Variants in HERC2 observed in about 807,000 individuals in gnomAD.
HERC2 encodes HECT and RLD domain containing E3 ubiquitin protein ligase 2.
HERC2 carries 102 observed loss-of-function variants against 537.7 expected under a neutral mutation model. The observed-to-expected ratio is 0.19, with a 90% CI of 0.16 to 0.22. The LOEUF (loss-of-function observed/expected upper bound fraction) is 0.22, where lower values mean the gene tolerates loss of function less well. HERC2 is among the 10% of genes least tolerant of loss of function. The pLI, the probability that HERC2 is intolerant of heterozygous loss-of-function variation, is 1.00. For synonymous variants in HERC2, 2,224 were observed against 2,466.2 expected (o/e 0.90, Z 2.91); for missense variants, 4,236 against 6,198.2 (o/e 0.68, Z 10.63).
At position 28,191,971 on chromosome 15, in the gene HERC2, G is replaced by A; in HGVS notation, c.8441C>T (p.Ser2814Leu). ...CCTATTAGATGCTACCTTTCCTTGC[G>A]ACCCCGATGACTGCCAGCAGGGCTC... ...GSEPCWQSSGSQGKHWIRLEI... is the reference protein window; with the variant it reads ...GSEPCWQSSGLQGKHWIRLEI... Residue 2814 changes from serine (S) to leucine (L), a missense_variant, in exon 53 of 93, where the codon TCG becomes TTG. Physicochemically the swap from Ser to Leu is moderately radical, Grantham distance 145. Coordinates refer to ENST00000261609, the MANE Select transcript of HERC2 (RefSeq NM_004667.6). 1.9e-6 allele frequency: 3 copies of A among 1,613,230 alleles called. No individual in the cohort carries two copies. The highest frequency in any genetic ancestry group is 1.7e-6 in the Non-Finnish European group (2 of 1,179,872).
At chr15:28,188,202 GATA>G (rs1295754217) in intron 55 of HERC2, among the ~76,000 whole-genome samples, 1 of 152,050 alleles carries the variant, frequency 6.6e-6, no homozygotes, top group African/African-American at 2.4e-5. Flanking sequence ...ACATTTACAA[GATA>G]ATTAGGAAAA....
At chr15:28,186,798 A>T in intron 55 of HERC2, 46 bp from the exon 56 acceptor site, 1 of 1,407,586 alleles carries the variant, frequency 7.1e-7, no homozygotes. Context: ...AATCAAGCAT[A>T]TTAGATCCTC....
intron 72 of HERC2, 106 bp downstream of exon 72, chr15:28,144,567 A>C: frequency 6.8e-7 from 1 of 1,480,280 alleles, no homozygotes; most frequent in Non-Finnish European, 9.3e-7. Flanking sequence ...ACACAGCAGA[A>C]GGCAGGCTGT....
At chr15:28,315,203 A>G (rs1004924972) in intron 2 of HERC2, among the ~76,000 whole-genome samples, 3 of 152,270 alleles carry the variant, frequency 2.0e-5, no homozygotes, top group African/African-American at 7.2e-5. Flanking sequence ...GGGGAGGAAT[A>G]AAAACACTGA....
At chr15:28,139,763 T>C (rs770939881) in intron 78 of HERC2, among the ~76,000 whole-genome samples, 5 of 151,888 alleles carry the variant, frequency 3.3e-5, no homozygotes, top group Non-Finnish European at 7.4e-5. Context: ...GCTATACTAA[T>C]CCATTAGAAA....
chr15:28,188,115 T>C lies in HERC2; in HGVS notation c.8650-1363A>G, dbSNP rs749357270. On this transcript the variant is annotated intron_variant, in intron 55 of 92. Coordinates refer to ENST00000261609, the MANE Select transcript of HERC2 (RefSeq NM_004667.6). ...ACAATTACTCAGTTTTTTTTTTCTT[T>C]AGCAAGAAAAAAAACCAAGAGTGAC... 9.2e-5 allele frequency among the ~76,000 whole-genome samples: 14 copies of C among 151,960 alleles called. 1 individual carries two copies. In the Middle Eastern group the frequency reaches 0.01, roughly 111 times the overall value.
chr15:28,289,991 G>T (rs1446312989), intron 4 of HERC2, among the ~76,000 whole-genome samples: 3 of 152,212 alleles, frequency 2.0e-5, no homozygotes, highest in Non-Finnish European at 4.4e-5. Flanking sequence ...TCAGTGAGAG[G>T]TCTCATCTCT....
At chr15:28,140,367 G>T (rs929136470) in intron 78 of HERC2, among the ~76,000 whole-genome samples, 2 of 152,088 alleles carry the variant, frequency 1.3e-5, no homozygotes, top group African/African-American at 2.4e-5. Context: ...AAGAGAGGTA[G>T]GCTAGACAGA....
intron 34 of HERC2, among the ~76,000 whole-genome samples, chr15:28,228,741 C>G (rs1901515811): frequency 6.6e-6 from 1 of 152,252 alleles, no homozygotes; most frequent in African/African-American, 2.4e-5. Context: ...GATGGGCCTA[C>G]CCCCTGCATT....
chr15:28,238,020 G>C (rs1902644164), intron 25 of HERC2, 94 bp downstream of exon 25: 1 of 864,876 alleles, frequency 1.2e-6, no homozygotes, highest in Admixed American at 1.7e-5. Flanking sequence ...AAAAGACCCA[G>C]ATATCAGTAC....
At chr15:28,240,058 T>C (rs1902898912) in intron 23 of HERC2, among the ~76,000 whole-genome samples, 2 of 152,222 alleles carry the variant, frequency 1.3e-5, no homozygotes, top group Non-Finnish European at 2.9e-5. Context: ...TGTAGGGTTT[T>C]TTTTTAAATC....
intron 14 of HERC2, among the ~76,000 whole-genome samples, chr15:28,263,890 G>A (rs2075482770): frequency 6.6e-6 from 1 of 151,822 alleles, no homozygotes; most frequent in African/African-American, 2.4e-5. Flanking sequence ...AAATTAGCCA[G>A]GCATGGTGGT....
intron 3 of HERC2, among the ~76,000 whole-genome samples, chr15:28,296,669 C>T (rs2076477577): frequency 7.7e-6 from 1 of 129,124 alleles, no homozygotes; most frequent in South Asian, 2.5e-4. Flanking sequence ...TTAAAATATA[C>T]AGAATGAATT....
rs1365811201 is a variant in HERC2 at position 28,237,110 on chromosome 15, C to T, written c.3856G>A (p.Asp1286Asn). The T allele has an allele frequency of 1.3e-6, 2 of 1,553,856 alleles. No individual in the cohort carries two copies. Among genetic ancestry groups the T allele is most frequent in the South Asian group, 1.1e-5 (1 of 89,688 alleles). The change falls in exon 26 of 93, where the codon GAC becomes AAC. Residue 1286 changes from aspartate (D) to asparagine (N), a missense_variant. Physicochemically the swap from Asp to Asn is conservative, Grantham distance 23. This residue lies in a region of HERC2 where 754 missense variants were observed against 1,085.0 expected (regional missense o/e 0.69). Coordinates refer to ENST00000261609, the MANE Select transcript of HERC2 (RefSeq NM_004667.6). ...TCTGGTATGGTGACGATTTCTTGGT[C>T]AGGCTGGAAAAATAAATTTCATCAT... The part of the protein sequence containing the change: ...AFCVGQYLEP[D>N]QEIVTIPDLG...
intron 2 of HERC2, among the ~76,000 whole-genome samples, chr15:28,317,294 C>T (rs563199964): frequency 2.6e-5 from 4 of 152,212 alleles, no homozygotes; most frequent in South Asian, 4.2e-4. Context: ...TCACCATGGG[C>T]GCCAGGCTGG....
chr15:28,115,605 T>C (rs773664879), intron 88 of HERC2, 64 bp from the exon 89 acceptor site: 148 of 1,157,480 alleles, frequency 1.3e-4, no homozygotes, highest in Non-Finnish European at 1.8e-4. Context: ...TCCCGCTCAC[T>C]CACACACGCC....
chr15:28,316,453 A>G (rs1174745204), intron 2 of HERC2, among the ~76,000 whole-genome samples: 1 of 152,140 alleles, frequency 6.6e-6, no homozygotes, highest in Non-Finnish European at 1.5e-5. Flanking sequence ...CAGCCCGGAC[A>G]ACAAAGAAAG....
chr15:28,199,468 C>G (rs920214975), intron 48 of HERC2, among the ~76,000 whole-genome samples: 4 of 152,282 alleles, frequency 2.6e-5, no homozygotes, highest in Admixed American at 6.5e-5. Flanking sequence ...ATGCATCATT[C>G]TGAAAACTGA....
intron 2 of HERC2, among the ~76,000 whole-genome samples, chr15:28,304,643 T>C (rs2076729587): frequency 6.6e-6 from 1 of 151,542 alleles, no homozygotes; most frequent in African/African-American, 2.4e-5. Flanking sequence ...GGATTACAGG[T>C]GTGAGCCACT....
Sources: allele counts gnomAD v4.1 joint callset (sites outside exome capture counted in the v4.1 genomes callset), GRCh38; gene constraint gnomAD v4.1.1; regional missense constraint gnomAD v4.1.1; transcripts MANE v1.5; gene names NCBI Gene and HGNC (gene_info 2026-07-23, HGNC 2026-07-21).